TMTC2: variants seen among roughly 807,000 people sequenced by gnomAD.
TMTC2 encodes transmembrane O-mannosyltransferase targeting cadherins 2.
Under a neutral mutation model 82.4 loss-of-function variants are expected in TMTC2, and 43 were observed. The observed-to-expected ratio is 0.52, with a 90% confidence interval of 0.41 to 0.67. The LOEUF (loss-of-function observed/expected upper bound fraction) is 0.67. TMTC2 is among the 30% of genes least tolerant of loss of function. The pLI is 0.00. For missense variants in TMTC2, 919 were observed against 1,012.4 expected, an observed-to-expected ratio of 0.91 and a Z score of 1.25; for synonymous variants, 408 against 381.9, an observed-to-expected ratio of 1.07 and a Z score of -0.80.
chr12:82,785,878 A>C (rs1878156093), intron 1 of TMTC2, among the ~76,000 whole-genome samples: 1 of 152,102 alleles, frequency 6.6e-6, no homozygotes, highest in African/African-American at 2.4e-5. Flanking sequence ...AATGGGTAAA[A>C]GGCACTGGGT....
intron 11 of TMTC2, among the ~76,000 whole-genome samples, chr12:83,121,818 G>A (rs1003103930): frequency 6.6e-6 from 1 of 152,122 alleles, no homozygotes; most frequent in African/African-American, 2.4e-5. Context: ...CCTTGGGCAG[G>A]TATTGCTGCG....
In TMTC2 at chr12:82,895,888, G is replaced by T. The variant is rs772835599; in HGVS notation, c.725G>T (p.Arg242Leu). 1.2e-6 allele frequency: 2 copies of T among 1,613,800 alleles called. No homozygotes were observed. Among genetic ancestry groups the T allele is most frequent in the Non-Finnish European group, 8.5e-7 (1 of 1,179,946 alleles). Residue 242 changes from arginine to leucine, a missense_variant, in exon 3 of 12, where the codon CGG (arginine) becomes CTG (leucine). Transcript: ENST00000321196. ...IFWGSSLLGARLYWMGNKPPS... is the reference protein window; with the variant it reads ...IFWGSSLLGALLYWMGNKPPS... Reference sequence around the variant, plus strand: ...TGGGGTTCCTCCCTTTTGGGTGCCCGGTTATACTGGATGGGAAACAAACCA... The same window carrying T: ...TGGGGTTCCTCCCTTTTGGGTGCCCTGTTATACTGGATGGGAAACAAACCA...
chr12:82,767,074 C>T (rs1199394308), intron 1 of TMTC2, among the ~76,000 whole-genome samples: 1 of 152,132 alleles, frequency 6.6e-6, no homozygotes, highest in Non-Finnish European at 1.5e-5. Context: ...ACTGTCTTTA[C>T]ATACAAACAT....
At chr12:82,820,515 C>T (rs1446008061) in intron 1 of TMTC2, among the ~76,000 whole-genome samples, 1 of 151,924 alleles carries the variant, frequency 6.6e-6, no homozygotes, top group Non-Finnish European at 1.5e-5. Context: ...GCTGGGACTA[C>T]AGGTGTGTGC....
At chr12:82,914,669 T>C (rs1874891942) in intron 3 of TMTC2, among the ~76,000 whole-genome samples, 1 of 152,098 alleles carries the variant, frequency 6.6e-6, no homozygotes, top group South Asian at 2.1e-4. Context: ...AAAGTGTATA[T>C]CGAATTGGTT....
chr12:82,956,056 G>C (rs1374494444), intron 4 of TMTC2, among the ~76,000 whole-genome samples: 2 of 151,912 alleles, frequency 1.3e-5, no homozygotes, highest in Non-Finnish European at 2.9e-5. Context: ...TTCTTCCACT[G>C]TATCAACCTT....
At chr12:83,121,610 A>G (rs1313638251) in intron 11 of TMTC2, among the ~76,000 whole-genome samples, 1 of 151,370 alleles carries the variant, frequency 6.6e-6, no homozygotes, top group Non-Finnish European at 1.5e-5. Flanking sequence ...GGTTTAATGC[A>G]CTCTTTTTGT....
At chr12:83,056,372 A>T (rs1436638923) in intron 10 of TMTC2, among the ~76,000 whole-genome samples, 1 of 151,904 alleles carries the variant, frequency 6.6e-6, no homozygotes, top group African/African-American at 2.4e-5. Context: ...TACCATACCA[A>T]CTGGTTCTAA....
chr12:82,782,617 A>G (rs1352114976), intron 1 of TMTC2, among the ~76,000 whole-genome samples: 2 of 152,180 alleles, frequency 1.3e-5, no homozygotes, highest in Non-Finnish European at 1.5e-5. Context: ...GCTGATTACA[A>G]AGGCACATTT....
intron 3 of TMTC2, among the ~76,000 whole-genome samples, chr12:82,909,938 TA>T (rs1320301339): frequency 1.3e-5 from 2 of 152,186 alleles, no homozygotes; most frequent in Non-Finnish European, 2.9e-5. Flanking sequence ...TAAAAGAAGC[TA>T]AAAATATGTG....
At chr12:82,891,842 C>T (rs1037074255) in intron 2 of TMTC2, among the ~76,000 whole-genome samples, 1 of 152,130 alleles carries the variant, frequency 6.6e-6, no homozygotes, top group Non-Finnish European at 1.5e-5. Flanking sequence ...ATTTTAAAAT[C>T]GGCTTTACCT....
intron 3 of TMTC2, among the ~76,000 whole-genome samples, chr12:82,919,209 G>A (rs1389602633): frequency 1.3e-5 from 2 of 152,220 alleles, no homozygotes; most frequent in Non-Finnish European, 2.9e-5. Context: ...GAAAAAGCAT[G>A]AGGGGCTGGG....
intron 1 of TMTC2, among the ~76,000 whole-genome samples, chr12:82,794,987 A>G (rs1878646751): frequency 6.6e-6 from 1 of 152,120 alleles, no homozygotes; most frequent in African/African-American, 2.4e-5. Context: ...AGAAGAGTTC[A>G]TCTGTGAATC....
intron 7 of TMTC2, among the ~76,000 whole-genome samples, chr12:82,968,784 A>G (rs145150434): frequency 6.6e-6 from 1 of 152,288 alleles, no homozygotes; most frequent in African/African-American, 2.4e-5. Context: ...TCACACAGGC[A>G]GCAAAAGATA....
chr12:83,127,880 A>G (rs928588032), intron 11 of TMTC2, among the ~76,000 whole-genome samples: 3 of 152,224 alleles, frequency 2.0e-5, no homozygotes, highest in Non-Finnish European at 4.4e-5. Context: ...CCACAGTAAA[A>G]TAACAAGGCA....
chr12:82,832,835 G>T (rs1256864123), intron 1 of TMTC2, among the ~76,000 whole-genome samples: 1 of 152,186 alleles, frequency 6.6e-6, no homozygotes, highest in East Asian at 1.9e-4. Context: ...GAAGACAAAG[G>T]GAAATGTAAA....
At chr12:82,919,069 A>C (rs1875216022) in intron 3 of TMTC2, among the ~76,000 whole-genome samples, 1 of 152,188 alleles carries the variant, frequency 6.6e-6, no homozygotes, top group South Asian at 2.1e-4. Flanking sequence ...TTTTTAACAA[A>C]ACAAAACAAC....
At chr12:82,980,513 A>G (rs904501249) in intron 7 of TMTC2, among the ~76,000 whole-genome samples, 4 of 151,796 alleles carry the variant, frequency 2.6e-5, no homozygotes, top group Admixed American at 2.6e-4. Flanking sequence ...AATTAGCAGT[A>G]CTGGCAATGA....
intron 1 of TMTC2, among the ~76,000 whole-genome samples, chr12:82,764,992 T>A (rs1353200431): frequency 6.6e-6 from 1 of 151,502 alleles, no homozygotes; most frequent in African/African-American, 2.4e-5. Flanking sequence ...TGACTGCACC[T>A]GTAAAGGTAA....
Sources: gnomAD v4.1 joint callset for allele counts (sites outside exome capture counted in the v4.1 genomes callset) on GRCh38, gnomAD v4.1.1 for gene constraint, MANE v1.5 for transcripts, NCBI Gene and HGNC (gene_info 2026-07-23, HGNC 2026-07-21) for gene names.